The following ARHGAP24 variants were observed in gnomAD, a reference collection of about 807,000 sequenced individuals.
ARHGAP24 encodes the protein Rho GTPase activating protein 24, also known as rho GTPase-activating protein 24.
In ARHGAP24, 50 loss-of-function variants were observed where a neutral mutation model predicts 76.4. That is an observed-to-expected ratio of 0.65 (90% CI 0.52 to 0.83). The LOEUF is 0.83. ARHGAP24 is among the 40% of genes least tolerant of loss of function. ARHGAP24 has a pLI of 0.00. For missense variants in ARHGAP24, 930 were observed against 914.2 expected, an observed-to-expected ratio of 1.02 and a Z score of -0.22; for synonymous variants, 345 against 323.3, an observed-to-expected ratio of 1.07 and a Z score of -0.72.
chr4:85,853,321 G>A (rs1339095854), intron 3 of ARHGAP24, among the ~76,000 whole-genome samples: 2 of 152,240 alleles, frequency 1.3e-5, no homozygotes, highest in African/African-American at 4.8e-5. Flanking sequence ...CATTTGCTAA[G>A]ACTGTTGGAA....
intron 3 of ARHGAP24, among the ~76,000 whole-genome samples, chr4:85,853,886 G>A (rs1731389305): frequency 6.6e-6 from 1 of 151,944 alleles, no homozygotes. Context: ...CCTGGGAGGT[G>A]GAGGTTACAA....
intron 3 of ARHGAP24, among the ~76,000 whole-genome samples, chr4:85,816,347 C>A (rs1729237886): frequency 6.6e-6 from 1 of 152,190 alleles, no homozygotes; most frequent in Non-Finnish European, 1.5e-5. Context: ...CCATTCTATT[C>A]TCTGTTTCTA....
At chr4:85,641,219 T>G (rs1721507600) in intron 2 of ARHGAP24, among the ~76,000 whole-genome samples, 1 of 152,138 alleles carries the variant, frequency 6.6e-6, no homozygotes, top group Non-Finnish European at 1.5e-5. Context: ...AGCTCAGCCT[T>G]GCGCGTAGTG....
At chr4:85,776,318 C>T (rs889524459) in intron 3 of ARHGAP24, among the ~76,000 whole-genome samples, 3 of 152,158 alleles carry the variant, frequency 2.0e-5, no homozygotes, top group African/African-American at 7.2e-5. Context: ...CAGTGAAATT[C>T]AACACCACAG....
chr4:85,591,315 G>C (rs1278556273), intron 2 of ARHGAP24, among the ~76,000 whole-genome samples: 1 of 152,050 alleles, frequency 6.6e-6, no homozygotes, highest in Non-Finnish European at 1.5e-5. Flanking sequence ...CAAAGTGCTG[G>C]GATTACAGGC....
Position 85,935,603 on chromosome 4 carries a change from T to C in ARHGAP24, c.392-6463T>C, listed in dbSNP as rs533830020. Among the ~76,000 whole-genome samples, 57 of 152,364 alleles carry C rather than the reference T, an allele frequency of 3.7e-4. 1 individual carries two copies. Among genetic ancestry groups the C allele is most frequent in the South Asian group, 8.3e-4 (4 of 4,818 alleles). ...CTTTTAGAATCATATGGAGCTGTGT[T>C]TGTATCCCAAATCTGCCACTTTCTA... is the stretch of plus-strand genomic sequence containing the variant. On this transcript the variant is annotated intron_variant, in intron 4 of 9. Transcript: ENST00000395184.
At chr4:85,844,990 C>A (rs926831042) in intron 3 of ARHGAP24, among the ~76,000 whole-genome samples, 1 of 152,168 alleles carries the variant, frequency 6.6e-6, no homozygotes, top group Non-Finnish European at 1.5e-5. Context: ...ATATCATTGA[C>A]CGAGAGGTTG....
chr4:85,972,024 C>T lies in ARHGAP24; in HGVS notation c.600-12C>T, dbSNP rs1343721731. 1 of 1,613,938 alleles carries T rather than the reference C, an allele frequency of 6.2e-7. No individual in the cohort carries two copies. Among genetic ancestry groups the T allele is most frequent in the Non-Finnish European group, 8.5e-7 (1 of 1,179,990 alleles). On this transcript the variant is annotated splice_polypyrimidine_tract_variant and intron_variant, in intron 5 of 9. Coordinates refer to ENST00000395184, the MANE Select transcript of ARHGAP24 (RefSeq NM_001025616.3). Reference sequence around the variant, plus strand: ...TACTCCAAAGAATATCTTCACACTTCTGTCTCCACAGCAACACAGATGTAC... The same window carrying T: ...TACTCCAAAGAATATCTTCACACTTTTGTCTCCACAGCAACACAGATGTAC...
chr4:85,558,876 G>C (rs1002776241), intron 1 of ARHGAP24, among the ~76,000 whole-genome samples: 4 of 152,158 alleles, frequency 2.6e-5, no homozygotes, highest in Admixed American at 2.0e-4. Context: ...TATTTTCTTT[G>C]AAGTGTAGTT....
At chr4:85,728,566 C>T (rs976910149) in intron 3 of ARHGAP24, among the ~76,000 whole-genome samples, 1 of 152,152 alleles carries the variant, frequency 6.6e-6, no homozygotes, top group African/African-American at 2.4e-5. Flanking sequence ...GATTGTGTAA[C>T]TCCACAGACC....
At chr4:85,536,305 G>T (rs1206858276) in intron 1 of ARHGAP24, among the ~76,000 whole-genome samples, 1 of 152,084 alleles carries the variant, frequency 6.6e-6, no homozygotes, top group Non-Finnish European at 1.5e-5. Context: ...TTCTCAGGGA[G>T]GTCAAAAACC....
intron 3 of ARHGAP24, among the ~76,000 whole-genome samples, chr4:85,856,765 C>A (rs1467084757): frequency 5.3e-5 from 8 of 152,008 alleles, no homozygotes; most frequent in African/African-American, 1.9e-4. Flanking sequence ...CCACCGCGCC[C>A]GGCTGGAAAT....
intron 5 of ARHGAP24, among the ~76,000 whole-genome samples, chr4:85,953,757 A>G (rs1328683674): frequency 6.6e-6 from 1 of 152,134 alleles, no homozygotes; most frequent in African/African-American, 2.4e-5. Context: ...AGGTCAGGGC[A>G]GAGGGAGACT....
intron 2 of ARHGAP24, among the ~76,000 whole-genome samples, chr4:85,591,319 T>G (rs1348157341): frequency 6.6e-6 from 1 of 152,174 alleles, no homozygotes; most frequent in African/African-American, 2.4e-5. Flanking sequence ...GTGCTGGGAT[T>G]ACAGGCGTGA....
At chr4:85,518,123 T>C (rs1724586365) in intron 1 of ARHGAP24, among the ~76,000 whole-genome samples, 1 of 152,066 alleles carries the variant, frequency 6.6e-6, no homozygotes, top group African/African-American at 2.4e-5. Flanking sequence ...AATTGCAGAG[T>C]TATTATGAAA....
chr4:85,995,051 A>T lies in ARHGAP24; in HGVS notation c.1397A>T (p.Lys466Met). 6.2e-7 allele frequency: 1 copy of T among 1,614,104 alleles called. No individual in the cohort carries two copies. The highest frequency in any genetic ancestry group is 8.5e-7 in the Non-Finnish European group (1 of 1,180,024). The change falls in exon 9 of 10, where the codon AAG becomes ATG. Residue 466 changes from lysine (K) to methionine (M), a missense_variant. Lys to Met is a moderately conservative substitution (Grantham distance 95). Coordinates refer to ENST00000395184, the MANE Select transcript of ARHGAP24 (RefSeq NM_001025616.3). ...SLQARRSSSLKVSGTKMGTHS... is the reference protein window; with the variant it reads ...SLQARRSSSLMVSGTKMGTHS... ...CAGGCCAGAAGGAGCTCTTCACTGA[A>T]GGTATCTGGTACCAAAATGGGCACG...
intron 3 of ARHGAP24, among the ~76,000 whole-genome samples, chr4:85,758,386 A>C (rs1726603002): frequency 6.6e-6 from 1 of 152,168 alleles, no homozygotes. Flanking sequence ...AGGGATAGTG[A>C]TGCAACCTCT....
chr4:85,582,572 G>T (rs1727662090), intron 2 of ARHGAP24, among the ~76,000 whole-genome samples: 1 of 151,996 alleles, frequency 6.6e-6, no homozygotes, highest in Admixed American at 6.6e-5. Flanking sequence ...GCTTGAAATT[G>T]TATGAGTAAT....
At chr4:85,723,231 T>A (rs1285207205) in intron 3 of ARHGAP24, 1 of 152,244 alleles carries the variant, frequency 6.6e-6, no homozygotes, top group African/African-American at 2.4e-5. Context: ...GGCTTTTAAA[T>A]CAGCGTGGTA....
Sources: allele counts gnomAD v4.1 joint callset (sites outside exome capture counted in the v4.1 genomes callset), GRCh38; gene constraint gnomAD v4.1.1; transcripts MANE v1.5; gene names NCBI Gene and HGNC (gene_info 2026-07-23, HGNC 2026-07-21).